TEX11: variants seen among roughly 807,000 people sequenced by gnomAD.
TEX11 encodes testis expressed 11, also known as testis-expressed protein 11.
A neutral mutation model predicts 84.4 loss-of-function variants in TEX11; 7 were observed. The observed-to-expected ratio is 0.08, with a 90% CI of 0.05 to 0.16. TEX11 has a LOEUF of 0.16. TEX11 is among the 10% of genes least tolerant of loss of function. The probability of loss-of-function intolerance (pLI) is 1.00; values close to 1 mark genes in which losing one functional copy is unlikely to be tolerated. For synonymous variants in TEX11, 264 were observed against 222.8 expected (o/e 1.18, Z -1.64); for missense variants, 551 against 660.5 (o/e 0.83, Z 1.82).
At chrX:70,893,274 A>C (rs1311274393) in intron 2 of TEX11, among the ~76,000 whole-genome samples, 2 of 111,884 alleles carry the variant, frequency 1.8e-5, no homozygotes, top group Admixed American at 9.6e-5. Context: ...CATAGCACTT[A>C]TTCTAAAATT....
At position 70,553,472 on chromosome X, in the gene TEX11, C is replaced by T. The variant is rs12690066; in HGVS notation, c.2291-58G>A. The T allele has an allele frequency of 9.0e-3, 7,265 of 806,624 alleles. 267 individuals are homozygous for T. In the East Asian group the frequency reaches 0.12, roughly 13 times the overall value. 66.5% of individuals were successfully genotyped at this position (806,624 alleles called of 1,213,427 possible). The stretch of plus-strand genomic sequence containing the variant: ...TGATAATGTCACCCATCACAGTTTT[C>T]ATCCCAGGCTACCACTTGCTTTCTC... On this transcript the variant is annotated intron_variant, in intron 26 of 29. Coordinates refer to ENST00000374333, the MANE Select transcript of TEX11 (RefSeq NM_031276.3).
chrX:70,544,816 G>A (rs1396322761), intron 28 of TEX11, among the ~76,000 whole-genome samples: 1 of 80,741 alleles, frequency 1.2e-5, no homozygotes, highest in East Asian at 4.2e-4. Context: ...TCCAGCGTCA[G>A]TGACAGCGAG....
At chrX:70,559,678 A>G (rs2088337673) in intron 25 of TEX11, among the ~76,000 whole-genome samples, 1 of 112,406 alleles carries the variant, frequency 8.9e-6, no homozygotes, top group Non-Finnish European at 1.9e-5. Flanking sequence ...GTATGCTATC[A>G]GACGTTCATT....
downstream of TEX11, among the ~76,000 whole-genome samples, chrX:70,526,398 G>A (rs1395277378): frequency 2.7e-5 from 3 of 109,946 alleles, no homozygotes; most frequent in Non-Finnish European, 5.7e-5. Context: ...GCGAAATCTC[G>A]TCTCTACTAA....
intron 17 of TEX11, 61 bp downstream of exon 17, chrX:70,651,389 G>A: frequency 1.3e-6 from 1 of 793,247 alleles, no homozygotes; most frequent in Admixed American, 2.7e-5. Context: ...CACTGTGGTT[G>A]AAGAGGATTA....
chrX:70,835,738 A>T (rs1020624989), intron 7 of TEX11, among the ~76,000 whole-genome samples: 3 of 112,263 alleles, frequency 2.7e-5, no homozygotes, highest in African/African-American at 9.7e-5. Context: ...TTTTATGAGG[A>T]TCAAATGGGA....
At chrX:70,640,137 G>A (rs2089634222) in intron 17 of TEX11, among the ~76,000 whole-genome samples, 1 of 109,797 alleles carries the variant, frequency 9.1e-6, no homozygotes, top group South Asian at 4.1e-4. Context: ...AGCCTCAGGA[G>A]CCGATGCGAT....
intron 5 of TEX11, among the ~76,000 whole-genome samples, chrX:70,854,956 G>A (rs1028625009): frequency 2.7e-5 from 3 of 109,696 alleles, no homozygotes; most frequent in Non-Finnish European, 5.7e-5. Flanking sequence ...GCTGAGATGA[G>A]AGGATTGCTT....
intron 11 of TEX11, among the ~76,000 whole-genome samples, chrX:70,725,900 C>T (rs2090596708): frequency 8.9e-6 from 1 of 111,888 alleles, no homozygotes; most frequent in Non-Finnish European, 1.9e-5. Context: ...TCTAGGCCCA[C>T]AGAACAGAAC....
intron 9 of TEX11, among the ~76,000 whole-genome samples, chrX:70,801,988 C>G (rs1394560568): frequency 9.0e-6 from 1 of 111,142 alleles, no homozygotes; most frequent in Non-Finnish European, 1.9e-5. Flanking sequence ...GCTAATATCG[C>G]AAAAAACAAA....
chrX:70,813,516 G>T (rs757002462), intron 8 of TEX11, among the ~76,000 whole-genome samples: 2 of 111,563 alleles, frequency 1.8e-5, no homozygotes, highest in Admixed American at 1.9e-4. Context: ...AACACTGGAA[G>T]CATTCCCTTT....
chrX:70,732,498 A>G (rs1043513046), intron 11 of TEX11, among the ~76,000 whole-genome samples: 6 of 111,766 alleles, frequency 5.4e-5, no homozygotes, highest in Admixed American at 9.6e-5. Flanking sequence ...GCATTCTTAT[A>G]CACCAAAAAC....
intron 8 of TEX11, among the ~76,000 whole-genome samples, chrX:70,819,707 G>C (rs144823690): frequency 2.1e-3 from 232 of 111,606 alleles, no homozygotes; most frequent in Non-Finnish European, 3.7e-3. Flanking sequence ...AAAAAAGTTA[G>C]AACTAATAAA....
chrX:70,557,810 G>T (rs1603060680), intron 25 of TEX11, among the ~76,000 whole-genome samples: 1 of 111,710 alleles, frequency 9.0e-6, no homozygotes, highest in African/African-American at 3.3e-5. Flanking sequence ...TGAAAACCAA[G>T]AATAAAGTTG....
chrX:70,512,871 G>A, the TEX11 span, among the ~76,000 whole-genome samples: 11 of 108,625 alleles, frequency 1.0e-4, no homozygotes, highest in African/African-American at 2.7e-4. Context: ...AACAAATGCT[G>A]CCCATCTCCA....
chrX:70,615,003 C>T (rs778936378), intron 20 of TEX11, among the ~76,000 whole-genome samples: 1 of 111,028 alleles, frequency 9.0e-6, no homozygotes, highest in Non-Finnish European at 1.9e-5. Context: ...TGTGGTGTCC[C>T]CTAATGCAGA....
At chrX:70,565,561 A>G (rs1423967990) in intron 25 of TEX11, among the ~76,000 whole-genome samples, 1 of 111,333 alleles carries the variant, frequency 9.0e-6, no homozygotes, top group African/African-American at 3.3e-5. Context: ...TCTTTAATCC[A>G]TCGTGAATTG....
chrX:70,529,314 G>T, intron 29 of TEX11, 127 bp from the exon 30 acceptor site: 1 of 484,857 alleles, frequency 2.1e-6, no homozygotes, highest in South Asian at 3.4e-5. Flanking sequence ...CTCAGATTTG[G>T]GGAGAAAATA....
intron 9 of TEX11, among the ~76,000 whole-genome samples, chrX:70,794,968 C>A (rs1202634197): frequency 9.2e-6 from 1 of 108,316 alleles, no homozygotes; most frequent in Non-Finnish European, 1.9e-5. Context: ...TGAAAGGGGA[C>A]TTTATCTTGC....
Sources: gnomAD v4.1 joint callset for allele counts (sites outside exome capture counted in the v4.1 genomes callset) on GRCh38, gnomAD v4.1.1 for gene constraint, MANE v1.5 for transcripts, NCBI Gene and HGNC (gene_info 2026-07-23, HGNC 2026-07-21) for gene names.